The following TMEM132B variants were observed in gnomAD, a reference collection of about 807,000 sequenced individuals.
The protein encoded by TMEM132B is transmembrane protein 132B.
In TMEM132B, 18 loss-of-function variants were observed where a neutral mutation model predicts 90.8. The ratio of observed to expected loss-of-function variants is 0.20; its 90% CI spans 0.14 to 0.29. TMEM132B has a LOEUF of 0.29. TMEM132B is among the 10% of genes least tolerant of loss of function. TMEM132B has a pLI of 1.00. For missense variants in TMEM132B, 1,096 were observed against 1,326.8 expected, an observed-to-expected ratio of 0.83 and a Z score of 2.70; for synonymous variants, 504 against 523.3, an observed-to-expected ratio of 0.96 and a Z score of 0.50.
chr12:125,425,790 G>A (rs529442190), intron 3 of TMEM132B, among the ~76,000 whole-genome samples: 2 of 152,168 alleles, frequency 1.3e-5, no homozygotes, highest in African/African-American at 2.4e-5. Flanking sequence ...GCTCATTTCT[G>A]TCTATCACTG....
chr12:125,411,187 A>AGT (rs1879824265), intron 2 of TMEM132B, among the ~76,000 whole-genome samples: 1 of 115,070 alleles, frequency 8.7e-6, no homozygotes, highest in Non-Finnish European at 1.9e-5. Context: ...GAGTGAGTGG[A>AGT]GGAGTGGAGT....
At chr12:125,218,751 A>G (rs1281502146) in intron 1 of TMEM132B, among the ~76,000 whole-genome samples, 2 of 134,756 alleles carry the variant, frequency 1.5e-5, no homozygotes, top group East Asian at 2.2e-4. Flanking sequence ...AGGGAGGGAC[A>G]TCTTTCTTGT....
chr12:125,616,095 C>G (rs1383123854), intron 5 of TMEM132B, among the ~76,000 whole-genome samples: 1 of 120,650 alleles, frequency 8.3e-6, no homozygotes, highest in African/African-American at 3.1e-5. Flanking sequence ...CCCCTCCCCC[C>G]ACCCCACAAT....
At chr12:125,633,029 T>C (rs1402102102) in intron 5 of TMEM132B, among the ~76,000 whole-genome samples, 1 of 152,118 alleles carries the variant, frequency 6.6e-6, no homozygotes, top group East Asian at 1.9e-4. Context: ...AACTCTCAGA[T>C]TTGTCCTTTT....
intron 1 of TMEM132B, among the ~76,000 whole-genome samples, chr12:125,220,107 A>G (rs1486756165): frequency 2.0e-5 from 3 of 152,216 alleles, no homozygotes; most frequent in Non-Finnish European, 4.4e-5. Flanking sequence ...GGATTCTTCT[A>G]GAGTTTGTTT....
chr12:125,585,345 A>T (rs1191757444), intron 5 of TMEM132B: 1 of 152,182 alleles, frequency 6.6e-6, no homozygotes, highest in Non-Finnish European at 1.5e-5. Context: ...GGCCTTAAAT[A>T]TTCAGAGTTT....
chr12:125,555,420 T>TG (rs1189604550), intron 4 of TMEM132B, among the ~76,000 whole-genome samples: 1 of 150,080 alleles, frequency 6.7e-6, no homozygotes, highest in African/African-American at 2.5e-5. Flanking sequence ...AGAATCAGTC[T>TG]GGAAAAAAAA....
chr12:125,232,078 C>G (rs1007151538), intron 1 of TMEM132B, among the ~76,000 whole-genome samples: 1 of 152,132 alleles, frequency 6.6e-6, no homozygotes, highest in African/African-American at 2.4e-5. Context: ...TACACACTTA[C>G]GCATATATAG....
At chr12:125,249,840 A>G (rs1011262817) in intron 1 of TMEM132B, among the ~76,000 whole-genome samples, 10 of 152,242 alleles carry the variant, frequency 6.6e-5, no homozygotes, top group Admixed American at 2.6e-4. Context: ...CAGTTAGAAG[A>G]AACAGGTTCA....
At chr12:125,629,947 A>G (rs1292403781) in intron 5 of TMEM132B, among the ~76,000 whole-genome samples, 1 of 152,244 alleles carries the variant, frequency 6.6e-6, no homozygotes, top group East Asian at 1.9e-4. Context: ...ACATTAATTC[A>G]TTTGCATATG....
chr12:125,557,090 TATC>T (rs1408534397), intron 4 of TMEM132B, among the ~76,000 whole-genome samples: 1 of 152,224 alleles, frequency 6.6e-6, no homozygotes, highest in Non-Finnish European at 1.5e-5. Context: ...AGCACTTTGT[TATC>T]ATATACACAC....
Position 125,186,936 on chromosome 12 carries a change from C to T in TMEM132B, c.67+70C>T, listed in dbSNP as rs1957763663. ...CAAAGTTGGGTGAACGGGCGGCTAC[C>T]TCCTTCTCAAGTCCCTGGCAGCGCG... On this transcript the variant is annotated intron_variant, in intron 1 of 8. Transcript: ENST00000682704. This position sits in a 1 kb window ranked among gnomAD's most constrained non-coding sequence, Gnocchi z 6.3. The T allele has an allele frequency of 6.6e-6, 1 of 152,288 alleles. No homozygotes were observed. Among genetic ancestry groups the T allele is most frequent in the African/African-American group, 2.4e-5 (1 of 41,450 alleles). 9.4% of individuals were successfully genotyped at this position (152,288 alleles called of 1,614,324 possible). A position where few individuals can be genotyped will look rare whatever the true frequency, so the allele number is the denominator to read the frequency against.
chr12:125,315,959 G>A (rs914944501), intron 1 of TMEM132B, among the ~76,000 whole-genome samples: 10 of 152,120 alleles, frequency 6.6e-5, no homozygotes, highest in African/African-American at 2.4e-4. Context: ...GGATGTTGCA[G>A]AAATGGAAGA....
At chr12:125,589,297 A>C (rs553190315) in intron 5 of TMEM132B, among the ~76,000 whole-genome samples, 1 of 151,984 alleles carries the variant, frequency 6.6e-6, no homozygotes, top group Admixed American at 6.5e-5. Context: ...CCTGGCTAAC[A>C]CGGTGAAACC....
rs1213730041 is a variant in TMEM132B at position 125,209,124 on chromosome 12, G to C, written c.67+22258G>C. On this transcript the variant is annotated intron_variant, in intron 1 of 8. Transcript: ENST00000682704. The surrounding 1 kb of genome is among the most constrained non-coding windows in gnomAD (Gnocchi z 4.4). The stretch of plus-strand genomic sequence containing the variant: ...GGGATTGTACTCTGATGTGGCTCTT[G>C]CCTGGGAAGCGGGAGCCAGCAGGTG... Among the ~76,000 whole-genome samples the C allele has an allele frequency of 6.6e-6, 1 of 152,244 alleles. No homozygotes were observed. The highest frequency in any genetic ancestry group is 1.5e-5 in the Non-Finnish European group (1 of 68,040).
chr12:125,355,525 C>T (rs74607330), intron 2 of TMEM132B, among the ~76,000 whole-genome samples: 2,294 of 152,248 alleles, frequency 0.015, 61 homozygotes, highest in African/African-American at 0.051. Flanking sequence ...GAGGTTGTGG[C>T]TTGACTTCCT....
At chr12:125,233,372 C>T (rs1241147436) in intron 1 of TMEM132B, among the ~76,000 whole-genome samples, 2 of 152,204 alleles carry the variant, frequency 1.3e-5, no homozygotes. Context: ...TCATGGTCAC[C>T]TCATGGTTGA....
intron 1 of TMEM132B, among the ~76,000 whole-genome samples, chr12:125,285,208 G>A (rs1875315366): frequency 6.6e-6 from 1 of 152,190 alleles, no homozygotes; most frequent in South Asian, 2.1e-4. Context: ...GGTCAGGCCA[G>A]GGCCTCTGGA....
chr12:125,590,138 C>T (rs1248600550), intron 5 of TMEM132B, among the ~76,000 whole-genome samples: 1 of 152,094 alleles, frequency 6.6e-6, no homozygotes, highest in African/African-American at 2.4e-5. Flanking sequence ...TGTAAGCTTC[C>T]TGAGGTCCTT....
Sources: gnomAD v4.1 joint callset for allele counts (sites outside exome capture counted in the v4.1 genomes callset) on GRCh38, gnomAD v4.1.1 for gene constraint, Gnocchi (gnomAD v3.1) non-coding constraint, MANE v1.5 for transcripts, NCBI Gene and HGNC (gene_info 2026-07-23, HGNC 2026-07-21) for gene names.